Variants in CHD8 observed in about 807,000 individuals in gnomAD.
CHD8 encodes ATP-dependent chromatin remodeler CHD8.
In CHD8, 31 loss-of-function variants were observed where a neutral mutation model predicts 279.2. The observed-to-expected ratio is 0.11, with a 90% confidence interval of 0.08 to 0.15. The LOEUF (loss-of-function observed/expected upper bound fraction) is 0.15. Among genes scored for constraint, CHD8 ranks in the 10% least tolerant of loss-of-function variants. CHD8 has a pLI of 1.00. For synonymous variants in CHD8, 1,081 were observed against 1,139.6 expected, an observed-to-expected ratio of 0.95 and a Z score of 1.04; for missense variants, 2,146 against 3,230.5, an observed-to-expected ratio of 0.66 and a Z score of 8.14.
In CHD8 at chr14:21,394,050, A is replaced by T. The variant is rs1225688670; in HGVS notation, c.5745T>A (p.Pro1915=). 6.2e-7 allele frequency: 1 copy of T among 1,613,968 alleles called. No homozygotes were observed. The highest frequency in any genetic ancestry group is 8.5e-7 in the Non-Finnish European group (1 of 1,179,882). The change falls in exon 32 of 38, where the codon CCT becomes CCA. Residue 1915 remains proline (P), a synonymous_variant. Transcript: ENST00000646647. ...LLEDRLALCQ[P]PGPELPKWWE... ...ACCATTTGGGCAATTCAGGACCAGG[A>T]GGCTGACACAATGCCAGCCGATCTT... is the stretch of plus-strand genomic sequence containing the variant.
intron 5 of CHD8, chr14:21,425,458 G>C (rs1456796053): frequency 6.6e-6 from 1 of 151,622 alleles, no homozygotes; most frequent in Non-Finnish European, 1.5e-5. Context: ...CCAAGTAGCT[G>C]GGATTACGGG....
Position 21,385,554 on chromosome 14 carries a change from A to G in CHD8, c.*59T>C, listed in dbSNP as rs1394521283. 1.3e-6 allele frequency: 2 copies of G among 1,504,158 alleles called. No individual in the cohort carries two copies. Among genetic ancestry groups the G allele is most frequent in the South Asian group, 1.3e-5 (1 of 77,044 alleles). 93.2% of individuals were successfully genotyped at this position (1,504,158 alleles called of 1,614,324 possible). On this transcript the variant is annotated 3_prime_UTR_variant, in exon 38 of 38. Transcript: ENST00000646647. ...GCCCCTCCCACGTTTCCATAGTCCA[A>G]GGGCCAGAGTAAATGAAAATACAGC...
chr14:21,396,235 A>G (rs1248893312), intron 27 of CHD8, among the ~76,000 whole-genome samples: 1 of 152,040 alleles, frequency 6.6e-6, no homozygotes, highest in Non-Finnish European at 1.5e-5. Context: ...GGCTCAAATA[A>G]TTCACACGCC....
In CHD8 at chr14:21,393,141, G is replaced by C; in HGVS notation, c.6433C>G (p.Leu2145Val). The C allele has an allele frequency of 6.2e-7, 1 of 1,613,938 alleles. No homozygotes were observed. The highest frequency in any genetic ancestry group is 8.5e-7 in the Non-Finnish European group (1 of 1,179,880). The change falls in exon 33 of 38, where the codon CTG (leucine) becomes GTG (valine). Residue 2145 changes from leucine (L) to valine (V), a missense_variant. Coordinates refer to ENST00000646647, the MANE Select transcript of CHD8 (RefSeq NM_001170629.2). ...TCAGAGGCTCTTTGTCTTTCCTGCA[G>C]TAGCAGAAGCTCAGGGGTCATTTGT... The part of the protein sequence containing the change: ...GEQMTPELLL[L>V]QERQRASEWP...
At chr14:21,445,056 C>T (rs1347308716) in intron 1 of CHD8, among the ~76,000 whole-genome samples, 5 of 152,270 alleles carry the variant, frequency 3.3e-5, no homozygotes, top group African/African-American at 1.2e-4. Flanking sequence ...CATGGTTGCA[C>T]AGACCAGAAA....
intron 37 of CHD8, chr14:21,386,406 G>A (rs1188252227): frequency 5.3e-6 from 3 of 563,974 alleles, no homozygotes; most frequent in East Asian, 2.9e-5. Context: ...ATTTTGTACC[G>A]AAACTCATAT....
Position 21,400,675 on chromosome 14 carries a change from T to A in CHD8, c.4371-63A>T. The A allele has an allele frequency of 7.0e-7, 1 of 1,423,092 alleles. No individual in the cohort carries two copies. Among genetic ancestry groups the A allele is most frequent in the Non-Finnish European group, 9.4e-7 (1 of 1,063,524 alleles). 88.2% of individuals were successfully genotyped at this position (1,423,092 alleles called of 1,614,324 possible). On this transcript the variant is annotated intron_variant, in intron 22 of 37. Transcript: ENST00000646647. The surrounding 1 kb of genome is among the most constrained non-coding windows in gnomAD (Gnocchi z 4.2). ...AATGACAGTCCCCTGTCCCTCAGAATCATGTCTCTGAAAAGGTGTGAAACA... is the reference window on the plus strand; with the variant it reads ...AATGACAGTCCCCTGTCCCTCAGAAACATGTCTCTGAAAAGGTGTGAAACA...
rs1371864860 is a variant in CHD8 at position 21,391,609 on chromosome 14, G to A, written c.6919C>T (p.Leu2307Phe). 8.1e-6 allele frequency: 13 copies of A among 1,608,424 alleles called. No homozygotes were observed. The highest frequency in any genetic ancestry group is 1.1e-5 in the Non-Finnish European group (13 of 1,177,206). Reference protein sequence around the residue: ...EVECMEEPNHLDVDLETRIPV... With the variant: ...EVECMEEPNHFDVDLETRIPV... ...ATCCGGGTCTCCAGGTCCACATCAA[G>A]GTGATTAGGCTCTTCCATGCACTCC... The change falls in exon 36 of 38, where the codon CTT (leucine) becomes TTT (phenylalanine). Residue 2307 changes from leucine (L) to phenylalanine (F), a missense_variant. By Grantham distance (22) the Leu-to-Phe change is conservative. Transcript: ENST00000646647.
intron 5 of CHD8, among the ~76,000 whole-genome samples, chr14:21,425,162 T>G (rs1889252993): frequency 6.6e-6 from 1 of 151,904 alleles, no homozygotes; most frequent in Admixed American, 6.6e-5. Context: ...GTTCACAGAG[T>G]CAGAATCCTG....
At chr14:21,420,482 T>C (rs1350275753) in intron 5 of CHD8, among the ~76,000 whole-genome samples, 3 of 152,130 alleles carry the variant, frequency 2.0e-5, no homozygotes, top group Non-Finnish European at 1.5e-5. Flanking sequence ...AGTGGGAGAA[T>C]GGGAACATGG....
rs1887588264 is a variant in CHD8 at position 21,392,398 on chromosome 14, T to A, written c.6771+109A>T. On this transcript the variant is annotated intron_variant, in intron 34 of 37. Transcript: ENST00000646647. Reference sequence around the variant, plus strand: ...GATCTTTGTAAGCTCTGTTTTCTCATTTTTAAAATTAGCTAACCAAATGAG... The same window carrying A: ...GATCTTTGTAAGCTCTGTTTTCTCAATTTTAAAATTAGCTAACCAAATGAG... 2.7e-6 allele frequency: 3 copies of A among 1,123,264 alleles called. No homozygotes were observed. In the Admixed American group the frequency reaches 6.7e-5, roughly 25 times the overall value. 69.6% of individuals were successfully genotyped at this position (1,123,264 alleles called of 1,614,324 possible).
At chr14:21,423,175 G>A (rs1200261792) in intron 5 of CHD8, among the ~76,000 whole-genome samples, 1 of 152,082 alleles carries the variant, frequency 6.6e-6, no homozygotes, top group Non-Finnish European at 1.5e-5. Flanking sequence ...CCAAGATTGC[G>A]CCATTGCACT....
At position 21,431,595 on chromosome 14, in the gene CHD8, G is replaced by C. The variant is rs1182610347; in HGVS notation, c.49C>G (p.Leu17Val). Residue 17 changes from leucine to valine, a missense_variant, in exon 2 of 38, where the codon CTG (leucine) becomes GTG (valine). Transcript: ENST00000646647. ...DLFDDPNLFG[L>V]DSLTDDSFNQ... ...AAGCTGTCATCAGTCAGAGAGTCCA[G>C]GCCAAATAAATTTGGGTCATCGAAC... is the stretch of plus-strand genomic sequence containing the variant. 1.3e-6 allele frequency: 2 copies of C among 1,537,228 alleles called. No homozygotes were observed. Among genetic ancestry groups the C allele is most frequent in the Admixed American group, 3.9e-5 (2 of 50,986 alleles).
At chr14:21,449,726 T>A (rs1049727309) in intron 1 of CHD8, among the ~76,000 whole-genome samples, 2 of 152,242 alleles carry the variant, frequency 1.3e-5, no homozygotes, top group African/African-American at 4.8e-5. Flanking sequence ...TTCTTAAGTA[T>A]TCAATTTACT....
rs1411327888 is a variant in CHD8 at position 21,417,882 on chromosome 14, AAT to A, written c.1717-1977_1717-1976del. On this transcript the variant is annotated intron_variant, in intron 5 of 37. Coordinates refer to ENST00000646647, the MANE Select transcript of CHD8 (RefSeq NM_001170629.2). ...AAAAAAAAAATATATATATATATAT[AAT>A]ATATATATATATACACACACACACA... is the stretch of plus-strand genomic sequence containing the variant. Among the ~76,000 whole-genome samples, 34 of 138,860 alleles carry A rather than the reference AAT, an allele frequency of 2.4e-4. No individual in the cohort carries two copies. In the South Asian group the frequency reaches 4.2e-3, roughly 17 times the overall value. The allele number at this position is 138,860 out of a possible 152,430, so 91.1% of individuals were successfully genotyped here. A position where few individuals can be genotyped will look rare whatever the true frequency, so the allele number is the denominator to read the frequency against.
chr14:21,427,806 A>G, intron 4 of CHD8, 63 bp downstream of exon 4: 2 of 1,564,328 alleles, frequency 1.3e-6, no homozygotes, highest in Non-Finnish European at 1.7e-6. Context: ...CCATCCCAAT[A>G]GCAAGGAGTA....
In CHD8 at chr14:21,391,941, T is replaced by C; in HGVS notation, c.6777A>G (p.Glu2259=). ...KEFTVQIKDE[E]GLKLTFQKHK... is the part of the protein sequence containing the mutation. Reference sequence around the variant, plus strand: ...GCTTCTGGAATGTTAACTTCAATCCTTCCTCCTAGGAAGACAACCCACCCA... The same window carrying C: ...GCTTCTGGAATGTTAACTTCAATCCCTCCTCCTAGGAAGACAACCCACCCA... The change falls in exon 35 of 38, where the codon GAA becomes GAG. Residue 2259 remains glutamate, a synonymous_variant. Coordinates refer to ENST00000646647, the MANE Select transcript of CHD8 (RefSeq NM_001170629.2). 1.9e-6 allele frequency: 3 copies of C among 1,611,840 alleles called. No homozygotes were observed. The highest frequency in any genetic ancestry group is 2.5e-6 in the Non-Finnish European group (3 of 1,177,978).
intron 5 of CHD8, among the ~76,000 whole-genome samples, chr14:21,425,141 T>G (rs1358647813): frequency 6.6e-6 from 1 of 152,116 alleles, no homozygotes; most frequent in African/African-American, 2.4e-5. Flanking sequence ...ACTTTGTGCC[T>G]AACTACCCTA....
intron 16 of CHD8, among the ~76,000 whole-genome samples, chr14:21,404,098 T>TAAA (rs112420804): frequency 7.6e-6 from 1 of 132,236 alleles, no homozygotes; most frequent in Non-Finnish European, 1.6e-5. Context: ...GACTCCACCT[T>TAAA]AAAAAAAAAA....
Sources: allele counts gnomAD v4.1 joint callset (sites outside exome capture counted in the v4.1 genomes callset), GRCh38; gene constraint gnomAD v4.1.1; non-coding constraint Gnocchi (gnomAD v3.1); transcripts MANE v1.5; gene names NCBI Gene and HGNC (gene_info 2026-07-23, HGNC 2026-07-21).